Variants in PPP1R13B observed in about 807,000 individuals in gnomAD.
PPP1R13B encodes apoptosis-stimulating of p53 protein 1.
A neutral mutation model predicts 119.8 loss-of-function variants in PPP1R13B; 44 were observed. That is an observed-to-expected ratio of 0.37 (90% CI 0.29 to 0.47). The LOEUF (loss-of-function observed/expected upper bound fraction) is 0.47. PPP1R13B is among the 20% of genes least tolerant of loss of function. PPP1R13B has a pLI of 0.99. For synonymous variants in PPP1R13B, 542 were observed against 561.5 expected, an observed-to-expected ratio of 0.97 and a Z score of 0.49; for missense variants, 1,227 against 1,413.5, an observed-to-expected ratio of 0.87 and a Z score of 2.12.
intron 4 of PPP1R13B, among the ~76,000 whole-genome samples, chr14:103,765,771 G>C (rs912482096): frequency 6.6e-6 from 1 of 152,014 alleles, no homozygotes; most frequent in African/African-American, 2.4e-5. Flanking sequence ...ATTCTTTAAG[G>C]ACTCTCTCAT....
intron 1 of PPP1R13B, among the ~76,000 whole-genome samples, chr14:103,809,352 T>C (rs2086093276): frequency 1.3e-5 from 2 of 152,324 alleles, no homozygotes; most frequent in South Asian, 4.1e-4. Flanking sequence ...ATTATTTACT[T>C]AGTATATAGT....
intron 1 of PPP1R13B, among the ~76,000 whole-genome samples, chr14:103,819,503 A>T (rs539076808): frequency 1.6e-4 from 24 of 149,426 alleles, no homozygotes; most frequent in Non-Finnish European, 2.5e-4. Flanking sequence ...GTCTATTAAA[A>T]AAAACAAACA....
Position 103,746,530 on chromosome 14 carries a change from T to C in PPP1R13B, c.993A>G (p.Ser331=), listed in dbSNP as rs1466864598. Residue 331 remains serine (S), a synonymous_variant, in exon 9 of 17, where the codon TCA becomes TCG. Coordinates refer to ENST00000202556, the MANE Select transcript of PPP1R13B (RefSeq NM_015316.3). ...ATGTGCTCAGAGGGGACTGTGGTGATGACGTGCCATTCACACGGTTCAGCT... is the reference window on the plus strand; with the variant it reads ...ATGTGCTCAGAGGGGACTGTGGTGACGACGTGCCATTCACACGGTTCAGCT... ...KIQLNRVNGT[S]SPQSPLSTSG... 1 of 1,603,116 alleles carries C rather than the reference T, an allele frequency of 6.2e-7. No homozygotes were observed. Among genetic ancestry groups the C allele is most frequent in the South Asian group, 1.1e-5 (1 of 89,798 alleles).
chr14:103,749,791 T>C lies in PPP1R13B; in HGVS notation c.969+3A>G. On this transcript the variant is annotated splice_donor_region_variant and intron_variant, in intron 8 of 16. Transcript: ENST00000202556. The stretch of plus-strand genomic sequence containing the variant: ...TTTATCTCACAAAAACTTTTTCACA[T>C]GCCTGAATTTTTTTCCCATAGAGAC... The C allele has an allele frequency of 6.2e-7, 1 of 1,609,320 alleles. No individual in the cohort carries two copies. The highest frequency in any genetic ancestry group is 8.5e-7 in the Non-Finnish European group (1 of 1,178,810).
intron 4 of PPP1R13B, among the ~76,000 whole-genome samples, chr14:103,772,598 C>A (rs1221459513): frequency 6.6e-6 from 1 of 152,098 alleles, no homozygotes; most frequent in African/African-American, 2.4e-5. Context: ...ATGGTGAACA[C>A]CTTTCCATGT....
At chr14:103,791,276 C>T (rs896847476) in intron 2 of PPP1R13B, among the ~76,000 whole-genome samples, 9 of 152,086 alleles carry the variant, frequency 5.9e-5, no homozygotes, top group South Asian at 2.1e-4. Flanking sequence ...CAAACAATCA[C>T]GCCTGGCTCT....
chr14:103,761,694 C>T (rs978646536), intron 4 of PPP1R13B, among the ~76,000 whole-genome samples: 5 of 149,884 alleles, frequency 3.3e-5, no homozygotes, highest in African/African-American at 9.8e-5. Context: ...ACCCAGGAGG[C>T]GGAAGTTGCA....
chr14:103,827,986 T>C (rs561627491), intron 1 of PPP1R13B, among the ~76,000 whole-genome samples: 2 of 152,160 alleles, frequency 1.3e-5, no homozygotes, highest in Non-Finnish European at 2.9e-5. Flanking sequence ...TTTTAAGAGT[T>C]TGTTCAATTC....
In PPP1R13B at chr14:103,845,267, G is replaced by C. The variant is rs75102011; in HGVS notation, c.9+2032C>G. ...TTTAAAATATTACCAAGTAAGAATGGCATTTCTGAAAACTCCTACTAAATT... is the reference window on the plus strand; with the variant it reads ...TTTAAAATATTACCAAGTAAGAATGCCATTTCTGAAAACTCCTACTAAATT... On this transcript the variant is annotated intron_variant, in intron 1 of 16. Transcript: ENST00000202556. 1.2e-3 allele frequency among the ~76,000 whole-genome samples: 177 copies of C among 152,094 alleles called. 2 individuals are homozygous for C. Among genetic ancestry groups the C allele is most frequent in the African/African-American group, 4.0e-3 (164 of 41,466 alleles).
intron 1 of PPP1R13B, among the ~76,000 whole-genome samples, chr14:103,831,241 C>T (rs759595060): frequency 1.3e-5 from 2 of 151,492 alleles, no homozygotes; most frequent in Non-Finnish European, 1.5e-5. Context: ...CTACGCCCGG[C>T]CTCAAGTAAT....
intron 1 of PPP1R13B, among the ~76,000 whole-genome samples, chr14:103,843,447 T>C (rs1266271395): frequency 6.6e-6 from 1 of 152,210 alleles, no homozygotes; most frequent in Non-Finnish European, 1.5e-5. Flanking sequence ...CTTTCCATTT[T>C]TACTAAAATT....
At chr14:103,762,796 T>A (rs1358256291) in intron 4 of PPP1R13B, 3 of 791,996 alleles carry the variant, frequency 3.8e-6, no homozygotes, top group Non-Finnish European at 4.4e-6. Flanking sequence ...GGCCGCCCGC[T>A]CCAGCCATGC....
At chr14:103,817,672 A>G (rs78605475) in intron 1 of PPP1R13B, among the ~76,000 whole-genome samples, 1,925 of 152,250 alleles carry the variant, frequency 0.013, 41 homozygotes, top group African/African-American at 0.043. Context: ...TAATAATAAA[A>G]ATAGCTAATT....
chr14:103,846,733 C>T, intron 1 of PPP1R13B: 1 of 456,204 alleles, frequency 2.2e-6, no homozygotes, highest in Non-Finnish European at 4.4e-6. Flanking sequence ...CCTCGTTCAA[C>T]CTTCAGAACA....
intron 7 of PPP1R13B, among the ~76,000 whole-genome samples, chr14:103,750,193 G>A (rs542374471): frequency 8.4e-6 from 1 of 119,124 alleles, no homozygotes; most frequent in African/African-American, 3.6e-5. Context: ...GATGATTACA[G>A]GAGACTAGTG....
At chr14:103,813,871 A>T (rs2086216449) in intron 1 of PPP1R13B, among the ~76,000 whole-genome samples, 1 of 152,192 alleles carries the variant, frequency 6.6e-6, no homozygotes, top group Admixed American at 6.5e-5. Context: ...ACCTACCAGG[A>T]CTTCCATAAA....
At chr14:103,802,736 T>A (rs1333552851) in intron 1 of PPP1R13B, among the ~76,000 whole-genome samples, 1 of 152,112 alleles carries the variant, frequency 6.6e-6, no homozygotes, top group Non-Finnish European at 1.5e-5. Flanking sequence ...TTACCAAGAC[T>A]CTTCAGCTCA....
intron 2 of PPP1R13B, among the ~76,000 whole-genome samples, chr14:103,790,925 T>C (rs1422523704): frequency 6.6e-6 from 1 of 152,160 alleles, no homozygotes; most frequent in Non-Finnish European, 1.5e-5. Flanking sequence ...GATTTATAAC[T>C]CTAAATCTTC....
rs1052748264 is a variant in PPP1R13B, at chr14:103,747,360, G to T, written c.970-807C>A. On this transcript the variant is annotated intron_variant, in intron 8 of 16. Coordinates refer to ENST00000202556, the MANE Select transcript of PPP1R13B (RefSeq NM_015316.3). The stretch of plus-strand genomic sequence containing the variant: ...GGAGACGCATCTCTGCAAAAATACT[G>T]ACTTCTTCAAGGCGATCCCTTGAAG... 4 of 152,116 alleles carry T rather than the reference G, an allele frequency of 2.6e-5. No individual in the cohort carries two copies. In the East Asian group the frequency reaches 7.7e-4, roughly 29 times the overall value. 9.4% of individuals were successfully genotyped at this position (152,116 alleles called of 1,614,324 possible).
Sources: allele counts gnomAD v4.1 joint callset (sites outside exome capture counted in the v4.1 genomes callset), GRCh38; gene constraint gnomAD v4.1.1; transcripts MANE v1.5; gene names NCBI Gene and HGNC (gene_info 2026-07-23, HGNC 2026-07-21).